UEVLD: variants seen among roughly 807,000 people sequenced by gnomAD.
UEVLD encodes ubiquitin-conjugating enzyme E2 variant 3.
Under a neutral mutation model 58.6 loss-of-function variants are expected in UEVLD, and 47 were observed. The ratio of observed to expected loss-of-function variants is 0.80; its 90% confidence interval spans 0.63 to 1.02. The LOEUF (loss-of-function observed/expected upper bound fraction) is 1.02, where lower values mean the gene tolerates loss of function less well. Among genes scored for constraint, UEVLD ranks in the 50% least tolerant of loss-of-function variants. The pLI, the probability that UEVLD is intolerant of heterozygous loss-of-function variation, is 0.00. For missense variants in UEVLD, 510 were observed against 550.6 expected (o/e 0.93, Z 0.74); for synonymous variants, 197 against 195.3 (o/e 1.01, Z -0.07).
At chr11:18,539,307 T>A (rs777229644) in intron 9 of UEVLD, 8 of 151,666 alleles carry the variant, frequency 5.3e-5, no homozygotes, top group Non-Finnish European at 1.0e-4. Context: ...GACCTTGTGA[T>A]CCACCCGCCT....
chr11:18,581,772 G>A (rs987952110), intron 1 of UEVLD, among the ~76,000 whole-genome samples: 1 of 152,108 alleles, frequency 6.6e-6, no homozygotes, highest in Non-Finnish European at 1.5e-5. Context: ...TAAACAACTT[G>A]AGAGCAGGAA....
chr11:18,573,422 C>CA (rs755264553), intron 3 of UEVLD, among the ~76,000 whole-genome samples: 5 of 152,164 alleles, frequency 3.3e-5, no homozygotes, highest in Admixed American at 6.5e-5. Context: ...CCTTTCTTTT[C>CA]AACGTCTAAC....
intron 10 of UEVLD, 72 bp from the exon 11 acceptor site, chr11:18,534,525 G>C (rs1261347170): frequency 7.6e-6 from 11 of 1,454,412 alleles, no homozygotes; most frequent in Non-Finnish European, 3.7e-6. Context: ...TCTGGCTAAG[G>C]TATTAATTAG....
At chr11:18,532,577 G>A in intron 11 of UEVLD, 90 bp from the exon 12 acceptor site, 1 of 1,127,256 alleles carries the variant, frequency 8.9e-7, no homozygotes, top group Non-Finnish European at 1.2e-6. Flanking sequence ...TCTTAACTAG[G>A]ACAAAGTGAT....
chr11:18,574,702 T>C (rs1852809833), intron 3 of UEVLD, among the ~76,000 whole-genome samples: 1 of 152,200 alleles, frequency 6.6e-6, no homozygotes, highest in South Asian at 2.1e-4. Context: ...CTCTAAAATG[T>C]GTTCCTTTCT....
chr11:18,560,142 G>C (rs200897854), intron 6 of UEVLD, among the ~76,000 whole-genome samples: 15,442 of 60,340 alleles, frequency 0.26, 1,288 homozygotes, highest in South Asian at 0.43. Flanking sequence ...CACACACAGA[G>C]AGAGAAAGAA....
chr11:18,557,055 C>T (rs1461155140), intron 7 of UEVLD, among the ~76,000 whole-genome samples: 3 of 145,742 alleles, frequency 2.1e-5, no homozygotes, highest in African/African-American at 7.7e-5. Flanking sequence ...CATGCCACTG[C>T]ACTCACGCCT....
chr11:18,575,494 G>A (rs1303844006), intron 2 of UEVLD, 82 bp from the exon 3 acceptor site: 14 of 1,316,350 alleles, frequency 1.1e-5, no homozygotes, highest in Non-Finnish European at 1.5e-5. Context: ...GTGCACATGT[G>A]TGTGCTCATG....
chr11:18,584,342 C>T (rs150200267), intron 1 of UEVLD, among the ~76,000 whole-genome samples: 2 of 152,144 alleles, frequency 1.3e-5, no homozygotes, highest in Non-Finnish European at 2.9e-5. Context: ...ATGATGGTAC[C>T]ACTGCACTCC....
chr11:18,560,992 G>A (rs991985058), intron 6 of UEVLD, among the ~76,000 whole-genome samples: 2 of 147,366 alleles, frequency 1.4e-5, no homozygotes, highest in African/African-American at 4.9e-5. Context: ...GCCTGGGACA[G>A]AGCGGGACTC....
intron 5 of UEVLD, among the ~76,000 whole-genome samples, chr11:18,565,286 A>G (rs981234512): frequency 6.6e-6 from 1 of 152,194 alleles, no homozygotes; most frequent in Non-Finnish European, 1.5e-5. Context: ...GATTTCCATA[A>G]TTCTGAAAAA....
Position 18,570,276 on chromosome 11 carries a change from C to A in UEVLD, c.295G>T (p.Val99Phe). Residue 99 changes from valine (V) to phenylalanine (F), a missense_variant, in exon 4 of 12, where the codon GTC becomes TTC. Physicochemically the swap from Val to Phe is conservative, Grantham distance 50 (BLOSUM62 -1). Coordinates refer to ENST00000396197, the MANE Select transcript of UEVLD (RefSeq NM_001040697.4). ...LKPTANMGILVGKHVDAQGRI... is the reference protein window; with the variant it reads ...LKPTANMGILFGKHVDAQGRI... ...CCTTGAGCATCCACATGTTTTCCGACTAAGATTCCCATATTTGCAGTTGGC... is the reference window on the plus strand; with the variant it reads ...CCTTGAGCATCCACATGTTTTCCGAATAAGATTCCCATATTTGCAGTTGGC... The A allele has an allele frequency of 1.2e-6, 2 of 1,602,800 alleles. No individual in the cohort carries two copies. The highest frequency in any genetic ancestry group is 1.7e-6 in the Non-Finnish European group (2 of 1,176,522).
chr11:18,583,065 G>A (rs1183582397), intron 1 of UEVLD, among the ~76,000 whole-genome samples: 2 of 151,716 alleles, frequency 1.3e-5, no homozygotes, highest in Non-Finnish European at 2.9e-5. Flanking sequence ...TGGGATTACA[G>A]ATGCGCATCA....
At chr11:18,558,203 A>G in intron 7 of UEVLD, 25 bp downstream of exon 7, 2 of 1,559,396 alleles carry the variant, frequency 1.3e-6, no homozygotes, top group Non-Finnish European at 1.8e-6. Context: ...AATAAGGCAT[A>G]CATCTTTAAG....
intron 2 of UEVLD, among the ~76,000 whole-genome samples, chr11:18,576,067 C>T (rs575852623): frequency 2.6e-5 from 4 of 152,326 alleles, no homozygotes; most frequent in East Asian, 1.9e-4. Flanking sequence ...TAACCAACTC[C>T]GTCTTCCTTC....
chr11:18,559,152 G>A (rs1267104042), intron 6 of UEVLD, among the ~76,000 whole-genome samples: 1 of 151,914 alleles, frequency 6.6e-6, no homozygotes, highest in Non-Finnish European at 1.5e-5. Flanking sequence ...GGAATTACAG[G>A]TGTGAGCCAC....
chr11:18,563,681 A>C, intron 6 of UEVLD: 1 of 985,390 alleles, frequency 1.0e-6, no homozygotes. Flanking sequence ...TTAGTGACAA[A>C]AGACTGAATA....
intron 3 of UEVLD, among the ~76,000 whole-genome samples, chr11:18,573,258 A>C (rs1360967911): frequency 1.3e-5 from 2 of 152,228 alleles, no homozygotes; most frequent in African/African-American, 4.8e-5. Flanking sequence ...GCAGTAATTC[A>C]TTTAAATTCA....
chr11:18,588,523 GA>G lies in UEVLD; in HGVS notation c.42+89del, dbSNP rs1853707805. The stretch of plus-strand genomic sequence containing the variant: ...GGCTCCAAGCCCCACTACAAGCCGG[GA>G]AACGCAAAACGGAGGCAACCTGGCC... On this transcript the variant is annotated intron_variant, in intron 1 of 11. Coordinates refer to ENST00000396197, the MANE Select transcript of UEVLD (RefSeq NM_001040697.4). The G allele has an allele frequency of 4.7e-6, 7 of 1,498,956 alleles. No individual in the cohort carries two copies. In the Admixed American group the frequency reaches 1.4e-4, roughly 30 times the overall value. The allele number at this position is 1,498,956 out of a possible 1,614,324, so 92.9% of individuals were successfully genotyped here.
Sources: allele counts gnomAD v4.1 joint callset (sites outside exome capture counted in the v4.1 genomes callset), GRCh38; gene constraint gnomAD v4.1.1; transcripts MANE v1.5; gene names NCBI Gene and HGNC (gene_info 2026-07-23, HGNC 2026-07-21).